IL1RAPL1: variants seen among roughly 807,000 people sequenced by gnomAD.
IL1RAPL1 encodes the protein interleukin-1 receptor accessory protein-like 1.
Under a neutral mutation model 48.4 loss-of-function variants are expected in IL1RAPL1, and 3 were observed. That is an observed-to-expected ratio of 0.06 (90% CI 0.03 to 0.16). The LOEUF is 0.16. Ranked by LOEUF, IL1RAPL1 falls within the 10% of genes least tolerant of loss-of-function variation. The pLI, the probability that IL1RAPL1 is intolerant of heterozygous loss-of-function variation, is 1.00. For missense variants in IL1RAPL1, 349 were observed against 530.6 expected (o/e 0.66, Z 3.36); for synonymous variants, 185 against 187.7 (o/e 0.99, Z 0.12).
intron 6 of IL1RAPL1, among the ~76,000 whole-genome samples, chrX:29,744,864 C>G (rs1402996012): frequency 8.9e-6 from 1 of 111,848 alleles, no homozygotes; most frequent in African/African-American, 3.2e-5. Flanking sequence ...CAAACCAATG[C>G]AACAGAATAA....
At chrX:29,596,586 C>A (rs1270667926) in intron 5 of IL1RAPL1, among the ~76,000 whole-genome samples, 1 of 111,703 alleles carries the variant, frequency 9.0e-6, no homozygotes, top group Admixed American at 9.5e-5. Context: ...TAATTTGTAT[C>A]CTGCAACTTT....
chrX:29,687,239 T>TGGAATCAA (rs1443971870), intron 6 of IL1RAPL1, among the ~76,000 whole-genome samples: 2 of 112,282 alleles, frequency 1.8e-5, no homozygotes, highest in Non-Finnish European at 3.8e-5. Context: ...AGCCTGGATA[T>TGGAATCAA]GGAATCAACT....
At chrX:29,214,409 A>T (rs1419211921) in intron 2 of IL1RAPL1, among the ~76,000 whole-genome samples, 1 of 111,724 alleles carries the variant, frequency 9.0e-6, no homozygotes, top group East Asian at 2.8e-4. Context: ...CAGGAAAAAA[A>T]ATAAGTGAAA....
At chrX:28,779,088 T>C (rs1344543401) in intron 1 of IL1RAPL1, among the ~76,000 whole-genome samples, 1 of 111,931 alleles carries the variant, frequency 8.9e-6, no homozygotes, top group Admixed American at 9.5e-5. Flanking sequence ...GGACTTTTAC[T>C]CCTGAGTGTG....
At position 28,839,702 on chromosome X, in the gene IL1RAPL1, A is replaced by T. The variant is rs1055382980; in HGVS notation, c.82+50277A>T. On this transcript the variant is annotated intron_variant, in intron 2 of 10. Transcript: ENST00000378993. The stretch of plus-strand genomic sequence containing the variant: ...GCAACTATTATCAGTACATATTTTT[A>T]AAAAATTTATGACTATTTAAATGGG... 1.4e-4 allele frequency among the ~76,000 whole-genome samples: 15 copies of T among 110,764 alleles called. No individual in the cohort carries two copies. The South Asian group carries it at 1.5e-3, about 11-fold the overall frequency.
intron 1 of IL1RAPL1, among the ~76,000 whole-genome samples, chrX:28,666,925 A>G (rs933420112): frequency 8.9e-6 from 1 of 111,962 alleles, no homozygotes; most frequent in Admixed American, 9.5e-5. Flanking sequence ...TAGTACTACT[A>G]ATTTATCCAG....
chrX:28,807,775 C>A (rs1053742523), intron 2 of IL1RAPL1, among the ~76,000 whole-genome samples: 5 of 111,179 alleles, frequency 4.5e-5, no homozygotes, highest in African/African-American at 1.6e-4. Flanking sequence ...AGTTTATAGT[C>A]TTTAATAAGT....
chrX:28,709,368 C>T (rs1935413679), intron 1 of IL1RAPL1, among the ~76,000 whole-genome samples: 1 of 111,391 alleles, frequency 9.0e-6, no homozygotes, highest in East Asian at 2.8e-4. Context: ...GAGGAAAATG[C>T]CGGGGGTGGG....
intron 2 of IL1RAPL1, among the ~76,000 whole-genome samples, chrX:29,281,137 T>A (rs1932195809): frequency 8.9e-6 from 1 of 111,885 alleles, no homozygotes; most frequent in Non-Finnish European, 1.9e-5. Flanking sequence ...ATATTATTTA[T>A]CCTGTTCTCA....
At chrX:29,263,831 T>TTCTC (rs1347796392) in intron 2 of IL1RAPL1, among the ~76,000 whole-genome samples, 8 of 90,631 alleles carry the variant, frequency 8.8e-5, no homozygotes, top group African/African-American at 3.2e-4. Flanking sequence ...TCATTCATCA[T>TTCTC]TCTCTCTCTC....
intron 6 of IL1RAPL1, among the ~76,000 whole-genome samples, chrX:29,782,921 T>TTTTTTTTTTTTTTTTTTTTTTTTTTTTC (rs1297300281): frequency 1.2e-5 from 1 of 80,818 alleles, no homozygotes; most frequent in African/African-American, 6.0e-5. Context: ...TTTTTTTTTT[T>TTTTTTTTTTTTTTTTTTTTTTTTTTTTC]TGAGACGGAG....
At chrX:29,458,186 T>A (rs1304565898) in intron 5 of IL1RAPL1, among the ~76,000 whole-genome samples, 1 of 112,449 alleles carries the variant, frequency 8.9e-6, no homozygotes, top group Non-Finnish European at 1.9e-5. Flanking sequence ...TAGACCTTTG[T>A]CAGAGCATAG....
At chrX:28,697,242 G>A (rs1330810009) in intron 1 of IL1RAPL1, among the ~76,000 whole-genome samples, 1 of 110,148 alleles carries the variant, frequency 9.1e-6, no homozygotes, top group Non-Finnish European at 1.9e-5. Context: ...TTGTCAATTT[G>A]TAAGTATATT....
intron 8 of IL1RAPL1, among the ~76,000 whole-genome samples, chrX:29,933,758 G>A (rs764197307): frequency 9.1e-6 from 1 of 109,384 alleles, no homozygotes; most frequent in South Asian, 3.8e-4. Context: ...TTATTGATAA[G>A]CAAATGAAAT....
intron 5 of IL1RAPL1, among the ~76,000 whole-genome samples, chrX:29,417,810 A>T (rs1934235944): frequency 9.0e-6 from 1 of 110,682 alleles, no homozygotes; most frequent in African/African-American, 3.3e-5. Flanking sequence ...AAGTTCCATT[A>T]GATAATTATG....
At chrX:28,746,329 T>C (rs1422645585) in intron 1 of IL1RAPL1, among the ~76,000 whole-genome samples, 1 of 111,765 alleles carries the variant, frequency 8.9e-6, no homozygotes, top group Admixed American at 9.5e-5. Flanking sequence ...AAAATGAAAG[T>C]AAATTCTGTT....
At chrX:28,742,841 C>T (rs1461662151) in intron 1 of IL1RAPL1, among the ~76,000 whole-genome samples, 1 of 111,462 alleles carries the variant, frequency 9.0e-6, no homozygotes, top group African/African-American at 3.3e-5. Flanking sequence ...GTGCAAAGAA[C>T]ATACCATTGT....
chrX:28,607,530 A>G (rs1347513801), intron 1 of IL1RAPL1, among the ~76,000 whole-genome samples: 1 of 111,566 alleles, frequency 9.0e-6, no homozygotes, highest in Non-Finnish European at 1.9e-5. Context: ...ACCACCAGAA[A>G]AAAAGGTGAG....
intron 5 of IL1RAPL1, among the ~76,000 whole-genome samples, chrX:29,582,154 A>G (rs1922984065): frequency 9.0e-6 from 1 of 111,200 alleles, no homozygotes; most frequent in South Asian, 3.8e-4. Flanking sequence ...ACATAGTGGT[A>G]TCAGTTTTTA....
Sources: allele counts gnomAD v4.1 joint callset (sites outside exome capture counted in the v4.1 genomes callset), GRCh38; gene constraint gnomAD v4.1.1; transcripts MANE v1.5; gene names NCBI Gene and HGNC (gene_info 2026-07-23, HGNC 2026-07-21).